GRM3: variants seen among roughly 807,000 people sequenced by gnomAD.
GRM3 encodes the protein glutamate metabotropic receptor 3.
Under a neutral mutation model 70.5 loss-of-function variants are expected in GRM3, and 26 were observed. The ratio of observed to expected loss-of-function variants is 0.37; its 90% CI spans 0.27 to 0.51. GRM3 has a LOEUF of 0.51. Among genes scored for constraint, GRM3 ranks in the 20% least tolerant of loss-of-function variants. GRM3 has a pLI of 0.93. For synonymous variants in GRM3, 443 were observed against 434.9 expected (o/e 1.02, Z -0.23); for missense variants, 859 against 1,123.8 (o/e 0.76, Z 3.37).
intron 1 of GRM3, among the ~76,000 whole-genome samples, chr7:86,671,504 A>G (rs1223102639): frequency 6.6e-6 from 1 of 152,178 alleles, no homozygotes; most frequent in Non-Finnish European, 1.5e-5. Context: ...AGTAAAATGC[A>G]TATGTATTCC....
At chr7:86,794,253 T>C (rs1797495422) in intron 3 of GRM3, among the ~76,000 whole-genome samples, 1 of 152,118 alleles carries the variant, frequency 6.6e-6, no homozygotes. Flanking sequence ...ACCTTTATGC[T>C]ATTACTTATC....
chr7:86,814,456 T>G (rs1327764996), intron 3 of GRM3, among the ~76,000 whole-genome samples: 2 of 151,740 alleles, frequency 1.3e-5, no homozygotes, highest in Non-Finnish European at 3.0e-5. Flanking sequence ...AGCTCCCATA[T>G]ATCAATGAGA....
At chr7:86,666,316 TC>T (rs1462235049) in intron 1 of GRM3, among the ~76,000 whole-genome samples, 1 of 151,924 alleles carries the variant, frequency 6.6e-6, no homozygotes, top group African/African-American at 2.4e-5. Context: ...GAATGATACT[TC>T]AAGAAGCCAT....
chr7:86,657,999 G>A (rs1334373450), intron 1 of GRM3, among the ~76,000 whole-genome samples: 3 of 152,128 alleles, frequency 2.0e-5, no homozygotes, highest in Non-Finnish European at 2.9e-5. Context: ...TGGGTTACAG[G>A]AAAATGTAAC....
intron 5 of GRM3, among the ~76,000 whole-genome samples, chr7:86,851,644 A>G (rs1269208461): frequency 6.6e-6 from 1 of 152,164 alleles, no homozygotes; most frequent in Non-Finnish European, 1.5e-5. Context: ...CTACCAAAGT[A>G]CAGAATTTAA....
chr7:86,684,949 G>A (rs984700862), intron 1 of GRM3, among the ~76,000 whole-genome samples: 1 of 152,136 alleles, frequency 6.6e-6, no homozygotes, highest in South Asian at 2.1e-4. Context: ...GATTAATTGT[G>A]TAAAGTACTT....
chr7:86,786,537 C>G lies in GRM3; in HGVS notation c.745C>G (p.Arg249Gly). The G allele has an allele frequency of 1.2e-6, 2 of 1,614,062 alleles. No homozygotes were observed. Among genetic ancestry groups the G allele is most frequent in the Non-Finnish European group, 1.7e-6 (2 of 1,180,044 alleles). Residue 249 changes from arginine (R) to glycine (G), a missense_variant, in exon 3 of 6, where the codon CGC (arginine) becomes GGC (glycine). By Grantham distance (125) the Arg-to-Gly change is moderately radical. Transcript: ENST00000361669. The surrounding 1 kb of genome is among the most constrained non-coding windows in gnomAD (Gnocchi z 6.0). Reference protein sequence around the residue: ...ICIATAEKVGRSNIRKSYDSV... With the variant: ...ICIATAEKVGGSNIRKSYDSV... ...CATCGCTACGGCGGAGAAGGTGGGC[C>G]GCTCCAACATCCGCAAGTCCTACGA...
intron 3 of GRM3, among the ~76,000 whole-genome samples, chr7:86,829,583 T>C (rs1258140469): frequency 6.6e-6 from 1 of 152,162 alleles, no homozygotes; most frequent in Admixed American, 6.5e-5. Flanking sequence ...TAAATATTGT[T>C]GTGTCTCAGG....
At chr7:86,765,770 GGC>G (rs2116418288) in intron 2 of GRM3, among the ~76,000 whole-genome samples, 157 bp downstream of exon 2, 2 of 152,198 alleles carry the variant, frequency 1.3e-5, no homozygotes, top group Non-Finnish European at 2.9e-5. Flanking sequence ...TAGGTTTGCA[GGC>G]AGAAGATTTT....
chr7:86,723,720 A>C (rs937639470), intron 1 of GRM3, among the ~76,000 whole-genome samples: 1 of 152,146 alleles, frequency 6.6e-6, no homozygotes, highest in African/African-American at 2.4e-5. Context: ...TGATTACAAA[A>C]TGTCATTTAA....
chr7:86,797,101 G>A (rs982017312), intron 3 of GRM3, among the ~76,000 whole-genome samples: 3 of 152,014 alleles, frequency 2.0e-5, no homozygotes, highest in African/African-American at 4.8e-5. Flanking sequence ...TTTATTAACC[G>A]AGTGAAAATG....
At chr7:86,794,135 C>T (rs772006522) in intron 3 of GRM3, among the ~76,000 whole-genome samples, 5 of 152,066 alleles carry the variant, frequency 3.3e-5, no homozygotes, top group Non-Finnish European at 7.4e-5. Flanking sequence ...ATGTCCCTTT[C>T]AAGATAGCTT....
chr7:86,728,712 A>G (rs1795649888), intron 1 of GRM3, among the ~76,000 whole-genome samples: 1 of 152,134 alleles, frequency 6.6e-6, no homozygotes, highest in East Asian at 1.9e-4. Context: ...CATTTGCCAC[A>G]CACAGAGCAG....
At chr7:86,768,267 G>A (rs562469951) in intron 2 of GRM3, among the ~76,000 whole-genome samples, 1 of 152,240 alleles carries the variant, frequency 6.6e-6, no homozygotes, top group South Asian at 2.1e-4. Flanking sequence ...TAAAATTATA[G>A]GAAAGGTCAG....
intron 3 of GRM3, among the ~76,000 whole-genome samples, chr7:86,795,485 G>A (rs1382839108): frequency 6.6e-6 from 1 of 151,908 alleles, no homozygotes; most frequent in Non-Finnish European, 1.5e-5. Context: ...GCCCCAGTGT[G>A]TGTTCTCATT....
intron 3 of GRM3, among the ~76,000 whole-genome samples, chr7:86,809,779 T>C (rs375931741): frequency 2.6e-5 from 4 of 152,158 alleles, no homozygotes; most frequent in South Asian, 4.2e-4. Context: ...GGTAACATGA[T>C]GCAGAATGCA....
chr7:86,730,407 C>T lies in GRM3; in HGVS notation c.-140-34599C>T, dbSNP rs117511711. On this transcript the variant is annotated intron_variant, in intron 1 of 5. Coordinates refer to ENST00000361669, the MANE Select transcript of GRM3 (RefSeq NM_000840.3). ...TGCACTCCAGCCTGGGCGTCAAGAG[C>T]GAAACTCTGTCTCAAAAACAAAAGG... Among the ~76,000 whole-genome samples, 48 of 152,274 alleles carry T rather than the reference C, an allele frequency of 3.2e-4. 1 individual carries two copies. In the East Asian group the frequency reaches 7.1e-3, roughly 23 times the overall value.
At chr7:86,730,954 G>A (rs1272681855) in intron 1 of GRM3, among the ~76,000 whole-genome samples, 1 of 151,692 alleles carries the variant, frequency 6.6e-6, no homozygotes, top group East Asian at 1.9e-4. Flanking sequence ...ACCCTTTTTT[G>A]AATGTCCCTG....
In GRM3 at chr7:86,786,191, A is replaced by G; in HGVS notation, c.469-70A>G. 7.8e-7 allele frequency: 1 copy of G among 1,290,108 alleles called. No individual in the cohort carries two copies. The highest frequency in any genetic ancestry group is 1.1e-6 in the Non-Finnish European group (1 of 917,704). The allele number at this position is 1,290,108 out of a possible 1,614,324, so 79.9% of individuals were successfully genotyped here. The stretch of plus-strand genomic sequence containing the variant: ...GGAGTCAGTAAAAGGTGTGGATGCT[A>G]TTATTCATTTTCATGTCCAGTCATC... On this transcript the variant is annotated intron_variant, in intron 2 of 5. Coordinates refer to ENST00000361669, the MANE Select transcript of GRM3 (RefSeq NM_000840.3). The surrounding 1 kb of genome is among the most constrained non-coding windows in gnomAD (Gnocchi z 6.0).
Sources: allele counts gnomAD v4.1 joint callset (sites outside exome capture counted in the v4.1 genomes callset), GRCh38; gene constraint gnomAD v4.1.1; non-coding constraint Gnocchi (gnomAD v3.1); transcripts MANE v1.5; gene names NCBI Gene and HGNC (gene_info 2026-07-23, HGNC 2026-07-21).